CLCN7: variants seen among roughly 807,000 people sequenced by gnomAD.
The protein encoded by CLCN7 is H(+)/Cl(-) exchange transporter 7.
CLCN7 carries 60 observed loss-of-function variants against 102.1 expected under a neutral mutation model. That is an observed-to-expected ratio of 0.59 (90% CI 0.48 to 0.73). The LOEUF (loss-of-function observed/expected upper bound fraction) is 0.73. Among genes scored for constraint, CLCN7 ranks in the 30% least tolerant of loss-of-function variants. The probability of loss-of-function intolerance (pLI) is 0.00; values close to 1 mark genes in which losing one functional copy is unlikely to be tolerated. For missense variants in CLCN7, 962 were observed against 1,125.7 expected (o/e 0.85, Z 2.08); for synonymous variants, 560 against 490.5 (o/e 1.14, Z -1.87).
Position 1,457,331 on chromosome 16 carries a change from G to A in CLCN7, c.745C>T (p.Pro249Ser). ...VGGLAVGKEG[P>S]MIHSGSVIAA... ...ATCACTGAACCTGAGTGGATCATCG[G>A]CCCTTCCTGGAGACCAGAAGGACCG... Residue 249 changes from proline (P) to serine (S), a missense_variant, in exon 9 of 25, where the codon CCG becomes TCG. By Grantham distance (74) the Pro-to-Ser change is moderately conservative (BLOSUM62 -1). Coordinates refer to ENST00000382745, the MANE Select transcript of CLCN7 (RefSeq NM_001287.6). This position sits in a 1 kb window ranked among gnomAD's most constrained non-coding sequence, Gnocchi z 5.4. 6.2e-7 allele frequency: 1 copy of A among 1,613,518 alleles called. No homozygotes were observed. The highest frequency in any genetic ancestry group is 2.2e-5 in the East Asian group (1 of 44,870).
rs554038380 is a variant in CLCN7 at position 1,457,013 on chromosome 16, C to T, written c.822+241G>A. On this transcript the variant is annotated intron_variant, in intron 9 of 24. Coordinates refer to ENST00000382745, the MANE Select transcript of CLCN7 (RefSeq NM_001287.6). The surrounding 1 kb of genome is among the most constrained non-coding windows in gnomAD (Gnocchi z 5.4). ...GAGAAGCCGCTTGGAGCCACAGACC[C>T]TCCCACGGGAAACACTGATGCACGT... Among the ~76,000 whole-genome samples, 10 of 152,306 alleles carry T rather than the reference C, an allele frequency of 6.6e-5. 1 individual carries two copies. The highest frequency in any genetic ancestry group is 2.0e-4 in the Admixed American group (3 of 15,298).
intron 13 of CLCN7, among the ~76,000 whole-genome samples, 179 bp downstream of exon 13, chr16:1,454,232 A>G (rs1330324065): frequency 6.6e-6 from 1 of 152,238 alleles, no homozygotes; most frequent in Non-Finnish European, 1.5e-5. Flanking sequence ...ACAGAAGCGA[A>G]GCTTTGGGCT....
Position 1,461,474 on chromosome 16 carries a change from C to A in CLCN7, c.286-4G>T, listed in dbSNP as rs1428167911. The A allele has an allele frequency of 6.3e-7, 1 of 1,580,378 alleles. No individual in the cohort carries two copies. The highest frequency in any genetic ancestry group is 2.3e-5 in the East Asian group (1 of 43,884). On this transcript the variant is annotated splice_region_variant and splice_polypyrimidine_tract_variant and intron_variant, in intron 3 of 24. Coordinates refer to ENST00000382745, the MANE Select transcript of CLCN7 (RefSeq NM_001287.6). The stretch of plus-strand genomic sequence containing the variant: ...CACTGTTGTCATAGTCCAAGCTCTG[C>A]AGGCCGGGACAGCAAGGGCAGCACT...
At chr16:1,461,106 T>G (rs1364471167) in intron 4 of CLCN7, among the ~76,000 whole-genome samples, 158 bp from the exon 5 acceptor site, 1 of 152,236 alleles carries the variant, frequency 6.6e-6, no homozygotes, top group East Asian at 1.9e-4. Context: ...GGCCAACATC[T>G]GAGGCGCACC....
In CLCN7 at chr16:1,461,451, C is replaced by T; in HGVS notation, c.305G>A (p.Ser102Asn). The T allele has an allele frequency of 6.4e-7, 1 of 1,565,632 alleles. No individual in the cohort carries two copies. The highest frequency in any genetic ancestry group is 8.7e-7 in the Non-Finnish European group (1 of 1,155,738). ...CTCCTCCAGGAACAGCTGGTTCTCA[C>T]TGTTGTCATAGTCCAAGCTCTGCAG... is the stretch of plus-strand genomic sequence containing the variant. ...LKYESLDYDN[S>N]ENQLFLEEER... The change falls in exon 4 of 25, where the codon AGT becomes AAT. Residue 102 changes from serine to asparagine, a missense_variant. By Grantham distance (46) the Ser-to-Asn change is conservative. Transcript: ENST00000382745.
chr16:1,447,304 C>G (rs1428191879), intron 23 of CLCN7, 88 bp downstream of exon 23: 1 of 1,369,908 alleles, frequency 7.3e-7, no homozygotes, highest in East Asian at 2.5e-5. Flanking sequence ...GCTGTGGCCC[C>G]CCCCGGCTGC....
chr16:1,469,852 C>T (rs1002072212), intron 1 of CLCN7, among the ~76,000 whole-genome samples: 1 of 152,252 alleles, frequency 6.6e-6, no homozygotes, highest in African/African-American at 2.4e-5. Context: ...GAAATGCAGC[C>T]TCTCCCCGCA....
At chr16:1,453,930 A>C (rs760229599) in intron 13 of CLCN7, 36 bp from the exon 14 acceptor site, 1 of 1,610,446 alleles carries the variant, frequency 6.2e-7, no homozygotes. Context: ...GCGACACCGG[A>C]GGAAAAGTGC....
At chr16:1,471,755 T>C (rs1334430905) in intron 1 of CLCN7, 1 of 152,250 alleles carries the variant, frequency 6.6e-6, no homozygotes, top group Non-Finnish European at 1.5e-5. Flanking sequence ...AGTCCGATGC[T>C]CAGAGCACAA....
intron 1 of CLCN7, among the ~76,000 whole-genome samples, chr16:1,468,442 G>A (rs143560179): frequency 2.8e-4 from 43 of 152,356 alleles, no homozygotes; most frequent in African/African-American, 7.9e-4. Context: ...GGTGGCTTTC[G>A]TAATGGAAGA....
In CLCN7 at chr16:1,452,821, G is replaced by C. The variant is rs1261855596; in HGVS notation, c.1287C>G (p.Phe429Leu). 6.2e-7 allele frequency: 1 copy of C among 1,602,896 alleles called. No homozygotes were observed. The highest frequency in any genetic ancestry group is 8.5e-7 in the Non-Finnish European group (1 of 1,175,240). Residue 429 changes from phenylalanine (F) to leucine (L), a missense_variant, in exon 15 of 25, where the codon TTC becomes TTG. Physicochemically the swap from Phe to Leu is conservative, Grantham distance 22. This residue lies in a region of CLCN7 where 799 missense variants were observed against 988.0 expected (regional missense o/e 0.81). Transcript: ENST00000382745. ...AATCCCGCGACGAGTAGATCAGCACGAAGGCAACTGTGGCCGTGACGGCGG... is the reference window on the plus strand; with the variant it reads ...AATCCCGCGACGAGTAGATCAGCACCAAGGCAACTGTGGCCGTGACGGCGG... Reference protein sequence around the residue: ...LVAAVTATVAFVLIYSSRDCQ... With the variant: ...LVAAVTATVALVLIYSSRDCQ...
At chr16:1,473,025 C>T (rs564587343) in intron 1 of CLCN7, among the ~76,000 whole-genome samples, 59 of 150,310 alleles carry the variant, frequency 3.9e-4, no homozygotes, top group African/African-American at 1.4e-3. Context: ...CTACCTTGGC[C>T]TCCCAAAGTG....
chr16:1,471,791 T>C (rs963434568), intron 1 of CLCN7: 15 of 152,280 alleles, frequency 9.9e-5, no homozygotes, highest in African/African-American at 3.6e-4. Flanking sequence ...GGTGGTGTCT[T>C]GGCCTCTAGA....
intron 20 of CLCN7, 26 bp from the exon 21 acceptor site, chr16:1,448,510 G>A (rs746240181): frequency 6.8e-6 from 11 of 1,606,222 alleles, no homozygotes; most frequent in Non-Finnish European, 9.3e-6. Context: ...GGCCACACAT[G>A]CCCGTCACAC....
chr16:1,454,384 C>T (rs545210436), intron 13 of CLCN7, 27 bp downstream of exon 13: 7 of 1,608,724 alleles, frequency 4.4e-6, no homozygotes, highest in East Asian at 4.5e-5. Flanking sequence ...CGCAGGCCGT[C>T]CCTGCGGTGC....
At chr16:1,465,374 C>G in intron 1 of CLCN7, 36 bp from the exon 2 acceptor site, 1 of 1,572,528 alleles carries the variant, frequency 6.4e-7, no homozygotes, top group Non-Finnish European at 8.7e-7. Flanking sequence ...GGCGCTCAGG[C>G]GTCGCACGCT....
Position 1,457,697 on chromosome 16 carries a change from T to C in CLCN7, c.735A>G (p.Gly245=). ...GTGGCCATGTGCACTTTGTTACCTTTCCCACGGCCAGGCCCCCGACCACGG... is the reference window on the plus strand; with the variant it reads ...GTGGCCATGTGCACTTTGTTACCTTCCCCACGGCCAGGCCCCCGACCACGG... ...ILSVVGGLAV[G]KEGPMIHSGS... Residue 245 remains glycine (G), a synonymous_variant, in exon 8 of 25, where the codon GGA becomes GGG. Coordinates refer to ENST00000382745, the MANE Select transcript of CLCN7 (RefSeq NM_001287.6). The surrounding 1 kb of genome is among the most constrained non-coding windows in gnomAD (Gnocchi z 5.4). The C allele has an allele frequency of 6.2e-7, 1 of 1,613,680 alleles. No individual in the cohort carries two copies. Among genetic ancestry groups the C allele is most frequent in the Non-Finnish European group, 8.5e-7 (1 of 1,179,998 alleles).
chr16:1,469,492 C>T (rs1055541427), intron 1 of CLCN7, among the ~76,000 whole-genome samples: 1 of 151,820 alleles, frequency 6.6e-6, no homozygotes, highest in African/African-American at 2.4e-5. Flanking sequence ...TCAAGACCAG[C>T]CTGACCAATG....
rs759401257 is a variant in CLCN7 at position 1,448,780 on chromosome 16, G to A, written c.1798-14C>T. 24 of 1,609,248 alleles carry A rather than the reference G, an allele frequency of 1.5e-5. No individual in the cohort carries two copies. Among genetic ancestry groups the A allele is most frequent in the Admixed American group, 1.3e-4 (8 of 59,996 alleles). ...GTCGTACAGGCCCTGCGGGCGGGGC[G>A]GGAACACAGGGCTTGAGGAGTCCAC... On this transcript the variant is annotated splice_polypyrimidine_tract_variant and intron_variant, in intron 19 of 24. Coordinates refer to ENST00000382745, the MANE Select transcript of CLCN7 (RefSeq NM_001287.6).
Sources: gnomAD v4.1 joint callset for allele counts (sites outside exome capture counted in the v4.1 genomes callset) on GRCh38, gnomAD v4.1.1 for gene constraint, gnomAD v4.1.1 regional missense constraint, Gnocchi (gnomAD v3.1) non-coding constraint, MANE v1.5 for transcripts, NCBI Gene and HGNC (gene_info 2026-07-23, HGNC 2026-07-21) for gene names.